ABCB11: variants seen among roughly 807,000 people sequenced by gnomAD.
ABCB11 encodes the protein ATP binding cassette subfamily B member 11.
ABCB11 carries 95 observed loss-of-function variants against 148.0 expected under a neutral mutation model. The observed-to-expected ratio is 0.64, with a 90% CI of 0.54 to 0.76. ABCB11 has a LOEUF of 0.76. Ranked by LOEUF, ABCB11 falls within the 30% of genes least tolerant of loss-of-function variation. The pLI is 0.00. For synonymous variants in ABCB11, 591 were observed against 555.4 expected (o/e 1.06, Z -0.90); for missense variants, 1,523 against 1,617.8 (o/e 0.94, Z 1.01).
intron 1 of ABCB11, among the ~76,000 whole-genome samples, chr2:169,022,341 GAA>G (rs1457770926): frequency 1.3e-5 from 2 of 151,806 alleles, no homozygotes; most frequent in Non-Finnish European, 2.9e-5. Context: ...GACTGTTGAA[GAA>G]AAGAGATATA....
At chr2:168,936,895 T>G (rs973587087) in intron 21 of ABCB11, among the ~76,000 whole-genome samples, 1 of 152,150 alleles carries the variant, frequency 6.6e-6, no homozygotes, top group Non-Finnish European at 1.5e-5. Flanking sequence ...TTTGTTTATT[T>G]TATTTTATTT....
At chr2:168,920,484 C>A (rs1032238731), downstream of ABCB11, among the ~76,000 whole-genome samples, 3 of 151,816 alleles carry the variant, frequency 2.0e-5, no homozygotes, top group African/African-American at 7.3e-5. Context: ...TCCTACTTTT[C>A]ATCTCTATCT....
At chr2:168,938,515 G>T (rs1053291009) in intron 21 of ABCB11, among the ~76,000 whole-genome samples, 4 of 152,146 alleles carry the variant, frequency 2.6e-5, no homozygotes, top group Non-Finnish European at 5.9e-5. Flanking sequence ...CTGGGGCTGA[G>T]GGGAGGGAGA....
chr2:168,985,748 T>G (rs1040087007), intron 10 of ABCB11, among the ~76,000 whole-genome samples: 6 of 151,990 alleles, frequency 3.9e-5, no homozygotes, highest in Non-Finnish European at 8.8e-5. Context: ...GCTATGAGGA[T>G]GCAAAGGCAT....
At chr2:168,960,247 G>C (rs1373304023) in intron 18 of ABCB11, among the ~76,000 whole-genome samples, 1 of 151,662 alleles carries the variant, frequency 6.6e-6, no homozygotes, top group Non-Finnish European at 1.5e-5. Flanking sequence ...TTCAGTATGT[G>C]AGAACTCCAA....
At chr2:168,994,587 TATA>T (rs1263170649) in intron 7 of ABCB11, among the ~76,000 whole-genome samples, 1 of 152,126 alleles carries the variant, frequency 6.6e-6, no homozygotes, top group Non-Finnish European at 1.5e-5. Flanking sequence ...GCGCCTATCA[TATA>T]ATAAACAATA....
At position 168,969,368 on chromosome 2, in the gene ABCB11, T is replaced by G; in HGVS notation, c.1993A>C (p.Asn665His). The change falls in exon 16 of 28, where the codon AAT (asparagine) becomes CAT (histidine). Residue 665 changes from asparagine (N) to histidine (H), a missense_variant. Transcript: ENST00000650372. ...CACTTGCCCTTTATGTCCTCTTCAT[T>G]AAGAGCTTGATTTCCCTGGCTTTGC... ...TLQSQGNQAL[N>H]EEDIKDATED... 1 of 1,612,158 alleles carries G rather than the reference T, an allele frequency of 6.2e-7. No individual in the cohort carries two copies.
chr2:168,951,405 T>C (rs1692563072), intron 19 of ABCB11, among the ~76,000 whole-genome samples: 1 of 151,782 alleles, frequency 6.6e-6, no homozygotes, highest in Non-Finnish European at 1.5e-5. Context: ...TTTTTCCTTT[T>C]GTTTGTGGCA....
At chr2:169,020,590 C>G (rs903130039) in intron 1 of ABCB11, among the ~76,000 whole-genome samples, 1 of 152,098 alleles carries the variant, frequency 6.6e-6, no homozygotes, top group African/African-American at 2.4e-5. Flanking sequence ...CACAGATGAA[C>G]CTCAAAATCA....
intron 12 of ABCB11, among the ~76,000 whole-genome samples, chr2:168,976,338 C>T (rs1333703303): frequency 6.6e-6 from 1 of 152,108 alleles, no homozygotes; most frequent in Non-Finnish European, 1.5e-5. Flanking sequence ...TTCATTTAGC[C>T]TGAATGTACT....
At chr2:169,005,654 C>T (rs1694997704) in intron 5 of ABCB11, among the ~76,000 whole-genome samples, 1 of 152,064 alleles carries the variant, frequency 6.6e-6, no homozygotes, top group African/African-American at 2.4e-5. Flanking sequence ...CAAGCGGACA[C>T]ACAGTTTTTT....
chr2:168,944,261 T>C (rs1692200010), intron 21 of ABCB11, among the ~76,000 whole-genome samples: 2 of 140,326 alleles, frequency 1.4e-5, no homozygotes, highest in Non-Finnish European at 3.2e-5. Flanking sequence ...GGAGACTTCC[T>C]TGCCCTGTTC....
intron 5 of ABCB11, among the ~76,000 whole-genome samples, chr2:169,012,738 TAAAAAA>T (rs78964015): frequency 8.1e-6 from 1 of 123,714 alleles, no homozygotes; most frequent in Admixed American, 8.2e-5. Flanking sequence ...GACTCCATCT[TAAAAAA>T]AAAAAAAAAA....
At position 168,944,778 on chromosome 2, in the gene ABCB11, A is replaced by G. The variant is rs767146905; in HGVS notation, c.2449-12T>C. 6.2e-7 allele frequency: 1 copy of G among 1,611,602 alleles called. No homozygotes were observed. The highest frequency in any genetic ancestry group is 8.5e-7 in the Non-Finnish European group (1 of 1,178,804). ...GCAAAGGCATATCCCTAAAACATGA[A>G]GAGGGAGATGTTAGAGAAATTTTAA... On this transcript the variant is annotated splice_polypyrimidine_tract_variant and intron_variant, in intron 20 of 27. Coordinates refer to ENST00000650372, the MANE Select transcript of ABCB11 (RefSeq NM_003742.4).
At chr2:168,990,686 C>T in intron 9 of ABCB11, 115 bp downstream of exon 9, 3 of 1,325,258 alleles carry the variant, frequency 2.3e-6, no homozygotes, top group Non-Finnish European at 2.1e-6. Flanking sequence ...TGAACAAGTA[C>T]TTCCTCTGGA....
intron 5 of ABCB11, among the ~76,000 whole-genome samples, chr2:169,011,533 T>G (rs1695187219): frequency 6.6e-6 from 1 of 152,150 alleles, no homozygotes; most frequent in Admixed American, 6.5e-5. Context: ...TAAGTAGGCT[T>G]GTTGTTTATA....
At chr2:168,974,606 C>T (rs1693732524) in intron 12 of ABCB11, among the ~76,000 whole-genome samples, 1 of 151,852 alleles carries the variant, frequency 6.6e-6, no homozygotes, top group African/African-American at 2.4e-5. Context: ...AAGCAGGCAT[C>T]AAATGTGCTT....
chr2:168,957,891 C>G (rs1452355235), intron 19 of ABCB11, 73 bp downstream of exon 19: 1 of 1,300,636 alleles, frequency 7.7e-7, no homozygotes, highest in Non-Finnish European at 1.0e-6. Context: ...TACATGAAAA[C>G]AAAGAGCGGA....
At chr2:169,012,751 A>G (rs1402760957) in intron 5 of ABCB11, among the ~76,000 whole-genome samples, 1 of 144,336 alleles carries the variant, frequency 6.9e-6, no homozygotes, top group Non-Finnish European at 1.5e-5. Context: ...AAAAAAAAAA[A>G]AAAGAAAAAA....
Sources: gnomAD v4.1 joint callset for allele counts (sites outside exome capture counted in the v4.1 genomes callset) on GRCh38, gnomAD v4.1.1 for gene constraint, MANE v1.5 for transcripts, NCBI Gene and HGNC (gene_info 2026-07-23, HGNC 2026-07-21) for gene names.